Variants in SPHKAP observed in about 807,000 individuals in gnomAD.
The protein encoded by SPHKAP is SPHK1 interactor, AKAP domain containing.
Under a neutral mutation model 137.5 loss-of-function variants are expected in SPHKAP, and 67 were observed. That is an observed-to-expected ratio of 0.49 (90% CI 0.40 to 0.60). The LOEUF (loss-of-function observed/expected upper bound fraction) is 0.60, where lower values mean the gene tolerates loss of function less well. SPHKAP is among the 20% of genes least tolerant of loss of function. The pLI is 0.00. For missense variants in SPHKAP, 2,097 were observed against 2,069.3 expected, an observed-to-expected ratio of 1.01 and a Z score of -0.26; for synonymous variants, 813 against 785.3, an observed-to-expected ratio of 1.04 and a Z score of -0.59.
At chr2:228,122,575 G>A (rs1018276061) in intron 2 of SPHKAP, among the ~76,000 whole-genome samples, 1 of 152,140 alleles carries the variant, frequency 6.6e-6, no homozygotes, top group Non-Finnish European at 1.5e-5. Context: ...CCCACCTAGG[G>A]TCACCACATT....
At chr2:228,102,783 C>T (rs148343556) in intron 3 of SPHKAP, among the ~76,000 whole-genome samples, 114 of 152,242 alleles carry the variant, frequency 7.5e-4, no homozygotes, top group African/African-American at 2.6e-3. Flanking sequence ...CACTCTGTCA[C>T]CCCGGCTGGA....
At position 228,181,108 on chromosome 2, in the gene SPHKAP, C is replaced by T. The variant is rs74459498; in HGVS notation, c.32+459G>A. ...GGGGGTGAGGGACAATCTTCCCCAC[C>T]CCAGCAGCCCCAGACACCCGCCCAG... On this transcript the variant is annotated intron_variant, in intron 1 of 11. Coordinates refer to ENST00000392056, the MANE Select transcript of SPHKAP (RefSeq NM_001142644.2). This position sits in a 1 kb window ranked among gnomAD's most constrained non-coding sequence, Gnocchi z 4.3. 0.24 allele frequency among the ~76,000 whole-genome samples: 37,140 copies of T among 151,896 alleles called. 5,162 individuals carry two copies. Among genetic ancestry groups the T allele is most frequent in the South Asian group, 0.42 (2,001 of 4,796 alleles).
At chr2:228,030,513 C>CAAAAAAAAAAAAAAAAAACAAAAAAAA (rs1695251952) in intron 3 of SPHKAP, among the ~76,000 whole-genome samples, 1 of 48,776 alleles carries the variant, frequency 2.1e-5, no homozygotes, top group Non-Finnish European at 4.0e-5. Context: ...GATACCATCT[C>CAAAAAAAAAAAAAAAAAACAAAAAAAA]AAAAAAAAAA....
At chr2:228,066,277 C>T (rs374992435) in intron 3 of SPHKAP, among the ~76,000 whole-genome samples, 7 of 152,132 alleles carry the variant, frequency 4.6e-5, no homozygotes, top group Non-Finnish European at 1.0e-4. Context: ...CAACAAAACA[C>T]GGTTCATTCT....
intron 1 of SPHKAP, among the ~76,000 whole-genome samples, chr2:228,141,873 A>G (rs1458034349): frequency 1.3e-5 from 2 of 152,200 alleles, no homozygotes; most frequent in Non-Finnish European, 2.9e-5. Context: ...TTTATTGGAG[A>G]AAATTTAATG....
chr2:227,981,932 C>G (rs577380107), intron 11 of SPHKAP, 72 bp from the exon 12 acceptor site: 1 of 1,520,754 alleles, frequency 6.6e-7, no homozygotes, highest in African/African-American at 1.4e-5. Flanking sequence ...CAACCACCCT[C>G]GCGAAGCCAA....
Position 228,018,864 on chromosome 2 carries a change from TGAC to T in SPHKAP, c.1987_1989del (p.Val663del), listed in dbSNP as rs761576484. ...GACAGGGTATGTGCCAGTTCATTCC[TGAC>T]GACATTTTCTGAGCACAGGGTCTGA... is the stretch of plus-strand genomic sequence containing the variant. On this transcript the variant is annotated inframe_deletion, in exon 7 of 12. Transcript: ENST00000392056. 2 of 1,614,230 alleles carry T rather than the reference TGAC, an allele frequency of 1.2e-6. No individual in the cohort carries two copies. The highest frequency in any genetic ancestry group is 2.2e-5 in the East Asian group (1 of 44,888).
In SPHKAP at chr2:228,051,597, C is replaced by T. The variant is rs146273693; in HGVS notation, c.247-24054G>A. ...AGCCTAGGTAAGCTGCTCCCCTGAC[C>T]CCACTGTAAAACAACCTGAAGACCC... On this transcript the variant is annotated intron_variant, in intron 3 of 11. Transcript: ENST00000392056. 3.0e-3 allele frequency among the ~76,000 whole-genome samples: 459 copies of T among 152,272 alleles called. 3 individuals are homozygous for T. The highest frequency in any genetic ancestry group is 0.014 in the Middle Eastern group (4 of 294).
chr2:227,995,635 G>A lies in SPHKAP; in HGVS notation c.4508C>T (p.Pro1503Leu), dbSNP rs1429013774. 6.2e-7 allele frequency: 1 copy of A among 1,613,562 alleles called. No homozygotes were observed. The highest frequency in any genetic ancestry group is 1.3e-5 in the African/African-American group (1 of 74,876). ...EAEASTEARA[P>L]DEAPNPPSSS... Reference sequence around the variant, plus strand: ...GCTTGGAGGGTTGGGGGCCTCATCGGGGGCTCTGGCTTCTGTGGAGGCTTC... The same window carrying A: ...GCTTGGAGGGTTGGGGGCCTCATCGAGGGCTCTGGCTTCTGTGGAGGCTTC... Residue 1503 changes from proline to leucine, a missense_variant, in exon 8 of 12, where the codon CCC (proline) becomes CTC (leucine). Transcript: ENST00000392056.
intron 9 of SPHKAP, among the ~76,000 whole-genome samples, 181 bp downstream of exon 9, chr2:227,993,353 A>G (rs1225233361): frequency 6.6e-6 from 1 of 152,208 alleles, no homozygotes; most frequent in Admixed American, 6.5e-5. Context: ...GAAACCCAGA[A>G]AGCAGGTGGT....
chr2:228,141,129 CT>C (rs1699593716), intron 1 of SPHKAP, among the ~76,000 whole-genome samples: 2 of 152,334 alleles, frequency 1.3e-5, no homozygotes, highest in South Asian at 4.1e-4. Context: ...TGCTTTGCTT[CT>C]GTGACCGTGT....
intron 3 of SPHKAP, among the ~76,000 whole-genome samples, chr2:228,038,779 T>C (rs966657958): frequency 2.6e-5 from 4 of 152,140 alleles, no homozygotes; most frequent in African/African-American, 2.4e-5. Context: ...TAAATTCTCG[T>C]TGGTGAGTGC....
chr2:228,064,745 C>G (rs1033620907), intron 3 of SPHKAP, among the ~76,000 whole-genome samples: 10 of 152,210 alleles, frequency 6.6e-5, no homozygotes, highest in African/African-American at 2.4e-4. Flanking sequence ...AGTAAGAGAA[C>G]TGATAAAGAA....
chr2:228,017,468 A>G lies in SPHKAP; in HGVS notation c.3386T>C (p.Phe1129Ser). Residue 1129 changes from phenylalanine to serine, a missense_variant, in exon 7 of 12, where the codon TTT (phenylalanine) becomes TCT (serine). Coordinates refer to ENST00000392056, the MANE Select transcript of SPHKAP (RefSeq NM_001142644.2). Reference protein sequence around the residue: ...QSSCESITDEFSRFMVNQMEN... With the variant: ...QSSCESITDESSRFMVNQMEN... Reference sequence around the variant, plus strand: ...CATCTGGTTCACCATGAACCTGGAAAACTCATCGGTGATGCTCTCACAGCT... The same window carrying G: ...CATCTGGTTCACCATGAACCTGGAAGACTCATCGGTGATGCTCTCACAGCT... 2 of 1,613,708 alleles carry G rather than the reference A, an allele frequency of 1.2e-6. No homozygotes were observed. The highest frequency in any genetic ancestry group is 1.7e-6 in the Non-Finnish European group (2 of 1,179,990).
intron 1 of SPHKAP, among the ~76,000 whole-genome samples, chr2:228,133,642 T>C (rs1699336900): frequency 6.6e-6 from 1 of 152,328 alleles, no homozygotes; most frequent in South Asian, 2.1e-4. Context: ...AAATTTTCAA[T>C]GCAACATGTA....
At chr2:228,066,368 C>T (rs1338626538) in intron 3 of SPHKAP, among the ~76,000 whole-genome samples, 1 of 152,160 alleles carries the variant, frequency 6.6e-6, no homozygotes, top group East Asian at 1.9e-4. Flanking sequence ...CATTGTCAGC[C>T]ACAGGTCACA....
chr2:228,121,194 C>T (rs1255126603), intron 2 of SPHKAP, among the ~76,000 whole-genome samples: 1 of 152,216 alleles, frequency 6.6e-6, no homozygotes, highest in East Asian at 1.9e-4. Context: ...TGGTGCATGC[C>T]TTTGGACTGT....
rs555574261 is a variant in SPHKAP, at chr2:228,120,470, T to G, written c.138+11510A>C. Among the ~76,000 whole-genome samples the G allele has an allele frequency of 1.9e-4, 29 of 152,310 alleles. 1 individual carries two copies. The highest frequency in any genetic ancestry group is 6.5e-4 in the African/African-American group (27 of 41,582). ...AAAGCCCTCCTTTCTTCGGAATTTATGTCCCCATATATGTAATTTAGAGAC... is the reference window on the plus strand; with the variant it reads ...AAAGCCCTCCTTTCTTCGGAATTTAGGTCCCCATATATGTAATTTAGAGAC... On this transcript the variant is annotated intron_variant, in intron 2 of 11. Transcript: ENST00000392056.
At chr2:228,106,291 A>G (rs1698344071) in intron 3 of SPHKAP, among the ~76,000 whole-genome samples, 1 of 152,222 alleles carries the variant, frequency 6.6e-6, no homozygotes, top group Non-Finnish European at 1.5e-5. Flanking sequence ...AGTTCATTAC[A>G]GTGAATACCA....
Sources: allele counts gnomAD v4.1 joint callset (sites outside exome capture counted in the v4.1 genomes callset), GRCh38; gene constraint gnomAD v4.1.1; non-coding constraint Gnocchi (gnomAD v3.1); transcripts MANE v1.5; gene names NCBI Gene and HGNC (gene_info 2026-07-23, HGNC 2026-07-21).